The following RTN4RL1 variants were observed in gnomAD, a reference collection of about 807,000 sequenced individuals.
RTN4RL1 encodes reticulon-4 receptor-like 1.
In RTN4RL1, 7 loss-of-function variants were observed where a neutral mutation model predicts 25.6. That is an observed-to-expected ratio of 0.27 (90% CI 0.16 to 0.51). The LOEUF is 0.51. Among genes scored for constraint, RTN4RL1 ranks in the 20% least tolerant of loss-of-function variants. The probability of loss-of-function intolerance (pLI) is 0.97; values close to 1 mark genes in which losing one functional copy is unlikely to be tolerated. For synonymous variants in RTN4RL1, 297 were observed against 288.2 expected, an observed-to-expected ratio of 1.03 and a Z score of -0.31; for missense variants, 500 against 615.6, an observed-to-expected ratio of 0.81 and a Z score of 1.99.
chr17:1,957,220 C>T (rs1238218878), intron 1 of RTN4RL1, among the ~76,000 whole-genome samples: 1 of 152,210 alleles, frequency 6.6e-6, no homozygotes. Context: ...GCTGATGAGT[C>T]ACCTTTCAGA....
intron 1 of RTN4RL1, among the ~76,000 whole-genome samples, chr17:1,953,390 G>A (rs1378213382): frequency 6.6e-6 from 1 of 152,018 alleles, no homozygotes; most frequent in Non-Finnish European, 1.5e-5. Context: ...TGGGTAGAGC[G>A]AGATCCCGTC....
chr17:2,021,578 A>G (rs1324687165), intron 1 of RTN4RL1, among the ~76,000 whole-genome samples: 4 of 131,800 alleles, frequency 3.0e-5, no homozygotes, highest in Admixed American at 2.5e-4. Context: ...TTTTTGAGAC[A>G]GAGTCTCGCA....
At position 2,007,337 on chromosome 17, in the gene RTN4RL1, A is replaced by ACACACACACACACACAC. The variant is rs1352398594; in HGVS notation, c.13+17515_13+17516insGTGTGTGTGTGTGTGTG. On this transcript the variant is annotated intron_variant, in intron 1 of 1. Transcript: ENST00000331238. ...AGACCTAGGCCATGTTCACAGCCCC[A>ACACACACACACACACAC]ACACACACACACACACACACACACA... 1.7e-3 allele frequency among the ~76,000 whole-genome samples: 238 copies of ACACACACACACACACAC among 140,406 alleles called. 2 individuals carry two copies. The highest frequency in any genetic ancestry group is 3.9e-3 in the African/African-American group (144 of 36,938). The allele number at this position is 140,406 out of a possible 152,430, so 92.1% of individuals were successfully genotyped here.
intron 1 of RTN4RL1, among the ~76,000 whole-genome samples, chr17:1,938,055 C>T (rs1915350794): frequency 1.3e-5 from 2 of 152,140 alleles, no homozygotes; most frequent in African/African-American, 4.8e-5. Context: ...CCCCAATCAC[C>T]CCCACACCTC....
At chr17:1,992,385 GA>G (rs2066913385) in intron 1 of RTN4RL1, among the ~76,000 whole-genome samples, 2 of 150,024 alleles carry the variant, frequency 1.3e-5, no homozygotes, top group East Asian at 2.0e-4. Flanking sequence ...AAAGAAAAAC[GA>G]AAAAAGAAAA....
chr17:1,958,833 T>C (rs944181278), intron 1 of RTN4RL1, among the ~76,000 whole-genome samples: 2 of 152,186 alleles, frequency 1.3e-5, no homozygotes, highest in Non-Finnish European at 2.9e-5. Flanking sequence ...AATAATGAGT[T>C]GGTATAAAAA....
intron 1 of RTN4RL1, chr17:2,023,452 C>T (rs2067235477): frequency 6.6e-6 from 1 of 152,242 alleles, no homozygotes; most frequent in Non-Finnish European, 1.5e-5. Context: ...CACCGACCCA[C>T]GTGGAGGGCA....
chr17:2,022,688 G>A (rs1249774318), intron 1 of RTN4RL1, among the ~76,000 whole-genome samples: 2 of 152,242 alleles, frequency 1.3e-5, no homozygotes, highest in Non-Finnish European at 2.9e-5. Flanking sequence ...CAAGTCACCC[G>A]TCCACACGAT....
intron 1 of RTN4RL1, among the ~76,000 whole-genome samples, chr17:1,990,953 A>T (rs1312454849): frequency 6.6e-6 from 1 of 152,158 alleles, no homozygotes; most frequent in East Asian, 1.9e-4. Context: ...CTCCCCCTGC[A>T]TAGCCACAAT....
At chr17:1,939,813 G>T (rs996166421) in intron 1 of RTN4RL1, among the ~76,000 whole-genome samples, 1 of 152,136 alleles carries the variant, frequency 6.6e-6, no homozygotes, top group Non-Finnish European at 1.5e-5. Flanking sequence ...AGGTTGGGGG[G>T]CCGGCTCCAG....
At chr17:2,011,030 T>G (rs572303634) in intron 1 of RTN4RL1, among the ~76,000 whole-genome samples, 1 of 152,222 alleles carries the variant, frequency 6.6e-6, no homozygotes, top group South Asian at 2.1e-4. Flanking sequence ...GGCAGGCGGA[T>G]CACCTGAGGT....
At chr17:1,958,510 T>G (rs1264029400) in intron 1 of RTN4RL1, among the ~76,000 whole-genome samples, 3 of 152,192 alleles carry the variant, frequency 2.0e-5, no homozygotes, top group African/African-American at 7.2e-5. Flanking sequence ...GGGAAGGAAG[T>G]GGAAATTCTG....
intron 1 of RTN4RL1, among the ~76,000 whole-genome samples, chr17:1,973,934 G>A (rs1223042410): frequency 1.3e-5 from 2 of 151,444 alleles, no homozygotes; most frequent in East Asian, 3.9e-4. Flanking sequence ...AGCTACCGGG[G>A]AGGCTGAGGC....
chr17:2,014,181 G>A (rs755643506), intron 1 of RTN4RL1, among the ~76,000 whole-genome samples: 7 of 152,210 alleles, frequency 4.6e-5, no homozygotes, highest in African/African-American at 7.2e-5. Flanking sequence ...GTGGGAGGGT[G>A]TGGAAGCCCA....
rs1915308163 is a variant in RTN4RL1, at chr17:1,936,578, C to G, written c.1244G>C (p.Gly415Ala). The G allele has an allele frequency of 6.4e-7, 1 of 1,571,568 alleles. No individual in the cohort carries two copies. Among genetic ancestry groups the G allele is most frequent in the African/African-American group, 1.3e-5 (1 of 74,080 alleles). ...ACTGGCCGAGGAGGCCTGCTGCACC[C>G]CGCTGGGGGCACGGATGGGGGTCCT... ...ARRTPIRAPS[G>A]VQQASSASSL... Residue 415 changes from glycine to alanine, a missense_variant, in exon 2 of 2, where the codon GGG becomes GCG. Gly to Ala is a moderately conservative substitution (Grantham distance 60). Coordinates refer to ENST00000331238, the MANE Select transcript of RTN4RL1 (RefSeq NM_178568.4).
intron 1 of RTN4RL1, among the ~76,000 whole-genome samples, chr17:1,941,619 G>C (rs984959850): frequency 6.6e-6 from 1 of 152,118 alleles, no homozygotes; most frequent in African/African-American, 2.4e-5. Flanking sequence ...GGGGGGATCC[G>C]AGCCCGGGGG....
intron 1 of RTN4RL1, among the ~76,000 whole-genome samples, chr17:1,957,898 T>A (rs1915823207): frequency 6.9e-6 from 1 of 145,702 alleles, no homozygotes; most frequent in Non-Finnish European, 1.5e-5. Context: ...AGTGAGATGG[T>A]GGGTTGCAGC....
In RTN4RL1 at chr17:1,994,655, G is replaced by C. The variant is rs915671707; in HGVS notation, c.13+30198C>G. 6.6e-6 allele frequency among the ~76,000 whole-genome samples: 1 copy of C among 152,134 alleles called. No individual in the cohort carries two copies. The highest frequency in any genetic ancestry group is 6.5e-5 in the Admixed American group (1 of 15,270). On this transcript the variant is annotated intron_variant, in intron 1 of 1. Transcript: ENST00000331238. The surrounding 1 kb of genome is among the most constrained non-coding windows in gnomAD (Gnocchi z 4.3). ...CAGCCAGGCCTGGATTCCAATCCCA[G>C]CTCCGCCACTGACAGGCCCGGTGAC...
chr17:2,023,690 C>A (rs940670307), intron 1 of RTN4RL1: 16 of 148,672 alleles, frequency 1.1e-4, no homozygotes, highest in Non-Finnish European at 2.3e-4. Flanking sequence ...ACCTCCCCCC[C>A]CTCCACCCCC....
Sources: allele counts gnomAD v4.1 joint callset (sites outside exome capture counted in the v4.1 genomes callset), GRCh38; gene constraint gnomAD v4.1.1; non-coding constraint Gnocchi (gnomAD v3.1); transcripts MANE v1.5; gene names NCBI Gene and HGNC (gene_info 2026-07-23, HGNC 2026-07-21).